The following KLHL5 variants were observed in gnomAD, a reference collection of about 807,000 sequenced individuals.
KLHL5 encodes the protein kelch-like protein 5.
In KLHL5, 48 loss-of-function variants were observed where a neutral mutation model predicts 77.7. The observed-to-expected ratio is 0.62, with a 90% CI of 0.49 to 0.79. The LOEUF (loss-of-function observed/expected upper bound fraction) is 0.79, where lower values mean the gene tolerates loss of function less well. Among genes scored for constraint, KLHL5 ranks in the 30% least tolerant of loss-of-function variants. KLHL5 has a pLI of 0.00. For missense variants in KLHL5, 723 were observed against 859.7 expected, an observed-to-expected ratio of 0.84 and a Z score of 1.99; for synonymous variants, 260 against 297.0, an observed-to-expected ratio of 0.88 and a Z score of 1.28.
intron 8 of KLHL5, among the ~76,000 whole-genome samples, chr4:39,111,211 TA>T (rs1467639812): frequency 6.6e-6 from 1 of 152,218 alleles, no homozygotes; most frequent in Non-Finnish European, 1.5e-5. Flanking sequence ...TTTTTCTCTG[TA>T]AATGTTTATG....
At chr4:39,132,190 A>G in the KLHL5 span, among the ~76,000 whole-genome samples, 1 of 145,236 alleles carries the variant, frequency 6.9e-6, no homozygotes, top group South Asian at 2.1e-4. Context: ...AGGAAAGGAA[A>G]TGCATTGGAA....
intron 10 of KLHL5, among the ~76,000 whole-genome samples, chr4:39,119,255 T>G (rs945730309): frequency 6.6e-6 from 1 of 152,086 alleles, no homozygotes; most frequent in Non-Finnish European, 1.5e-5. Flanking sequence ...TTAAAGCACC[T>G]AAAAATGTGA....
At chr4:39,108,574 T>A (rs1387824951) in intron 8 of KLHL5, among the ~76,000 whole-genome samples, 6 of 152,184 alleles carry the variant, frequency 3.9e-5, no homozygotes, top group Admixed American at 3.3e-4. Context: ...TTGATACTTT[T>A]TGTAAGCACT....
rs1723302324 is a variant in KLHL5 at position 39,122,874 on chromosome 4, A to G, written c.*1808A>G. Among the ~76,000 whole-genome samples, 2 of 152,052 alleles carry G rather than the reference A, an allele frequency of 1.3e-5. No homozygotes were observed. On this transcript the variant is annotated 3_prime_UTR_variant, in exon 11 of 11. Transcript: ENST00000504108. ...TTATGTGAGGAATTATTTTAATAAAAAAAAGAGGGTTTATGCTCTATAGTA... is the reference window on the plus strand; with the variant it reads ...TTATGTGAGGAATTATTTTAATAAAGAAAAGAGGGTTTATGCTCTATAGTA...
chr4:39,060,532 C>T (rs935434136), upstream of KLHL5, among the ~76,000 whole-genome samples: 1 of 151,252 alleles, frequency 6.6e-6, no homozygotes, highest in Admixed American at 6.6e-5. Context: ...CTTAGAGTAA[C>T]TGAAGTGTTT....
chr4:39,088,208 G>A (rs184287326), intron 5 of KLHL5, among the ~76,000 whole-genome samples: 244 of 152,252 alleles, frequency 1.6e-3, no homozygotes, highest in African/African-American at 5.3e-3. Flanking sequence ...TGTAGTTTCA[G>A]ATATTTATGA....
chr4:39,082,000 G>A lies in KLHL5; in HGVS notation c.741G>A (p.Leu247=), dbSNP rs1181831737. Residue 247 remains leucine (L), a synonymous_variant, in exon 4 of 11, where the codon CTG becomes CTA. Coordinates refer to ENST00000504108, the MANE Select transcript of KLHL5 (RefSeq NM_015990.5). This position sits in a 1 kb window ranked among gnomAD's most constrained non-coding sequence, Gnocchi z 4.3. The part of the protein sequence containing the change: ...LELKEDNIEC[L]LSTACLLQLS... ...TAAAAGAAGATAATATTGAGTGCCT[G>A]TTATCTACAGCTTGCCTTCTTCAGC... 6.2e-7 allele frequency: 1 copy of A among 1,609,264 alleles called. No homozygotes were observed. Among genetic ancestry groups the A allele is most frequent in the East Asian group, 2.2e-5 (1 of 44,834 alleles).
intron 10 of KLHL5, among the ~76,000 whole-genome samples, chr4:39,119,535 G>A (rs1054127658): frequency 6.6e-6 from 1 of 152,122 alleles, no homozygotes; most frequent in Non-Finnish European, 1.5e-5. Flanking sequence ...GCAGTGAGCC[G>A]AGATGTGCCA....
chr4:39,129,991 G>A (rs1723733191), downstream of KLHL5, among the ~76,000 whole-genome samples: 4 of 152,160 alleles, frequency 2.6e-5, 1 homozygote, highest in South Asian at 8.3e-4. The surrounding 1 kb of genome is among the most constrained non-coding windows in gnomAD (Gnocchi z 4.2). Context: ...CCCATTGCTT[G>A]AACTACAATC....
At chr4:39,045,095 C>G (rs1212263564) in exon 1 of KLHL5, 2 of 986,352 alleles carry the variant, frequency 2.0e-6, no homozygotes, top group African/African-American at 3.5e-5. Context: ...GAGCCCGACG[C>G]GGTAAGTGCG....
At chr4:39,089,674 G>C (rs1720341901) in intron 5 of KLHL5, among the ~76,000 whole-genome samples, 1 of 152,154 alleles carries the variant, frequency 6.6e-6, no homozygotes, top group Non-Finnish European at 1.5e-5. Context: ...AAAATCCAGT[G>C]GATTAGCCCA....
chr4:39,119,891 C>G (rs568274519), intron 10 of KLHL5, among the ~76,000 whole-genome samples: 2 of 151,240 alleles, frequency 1.3e-5, no homozygotes, highest in South Asian at 4.2e-4. Context: ...GAGGTCAGTT[C>G]GATAATGCTA....
chr4:39,082,911 A>AGTGTTC (rs1719743554), intron 4 of KLHL5, among the ~76,000 whole-genome samples: 1 of 151,210 alleles, frequency 6.6e-6, no homozygotes. Flanking sequence ...GTTTTTGAGG[A>AGTGTTC]ATGTTGCCAC....
chr4:39,139,085 C>A, the KLHL5 span, among the ~76,000 whole-genome samples: 2 of 151,930 alleles, frequency 1.3e-5, no homozygotes, highest in Admixed American at 1.3e-4. Context: ...AGTTGGAGAC[C>A]GGCCTGTCCA....
chr4:39,067,276 G>T (rs1234921222), intron 1 of KLHL5, among the ~76,000 whole-genome samples: 1 of 152,158 alleles, frequency 6.6e-6, no homozygotes, highest in African/African-American at 2.4e-5. Context: ...TTTGTAGAAT[G>T]CCTTACTCAG....
chr4:39,136,402 T>C, the KLHL5 span, among the ~76,000 whole-genome samples: 1 of 152,140 alleles, frequency 6.6e-6, no homozygotes, highest in Admixed American at 6.5e-5. Flanking sequence ...TCAGGTGATC[T>C]GCCTGCCTCA....
At chr4:39,047,082 T>C (rs574066069) in intron 1 of KLHL5, among the ~76,000 whole-genome samples, 2 of 152,338 alleles carry the variant, frequency 1.3e-5, no homozygotes, top group African/African-American at 4.8e-5. Context: ...TCCAAATCTA[T>C]ATGACTATGT....
chr4:39,097,957 C>G (rs1577712068), intron 6 of KLHL5, among the ~76,000 whole-genome samples: 1 of 151,574 alleles, frequency 6.6e-6, no homozygotes, highest in South Asian at 2.1e-4. Context: ...ATGGTGAAAC[C>G]CCATCTCTAT....
chr4:39,062,381 CT>C lies in KLHL5; in HGVS notation c.-271del. ...GGGAAAGGAGAGCCGGGAAAGTGGT[CT>C]AGCTGCTTCAGGATAGGTGGATGAG... On this transcript the variant is annotated 5_prime_UTR_variant, in exon 1 of 11. It introduces an in-frame stop codon into an upstream open reading frame of the 5' UTR. Transcript: ENST00000504108. 6.9e-7 allele frequency: 1 copy of C among 1,447,052 alleles called. No homozygotes were observed. The highest frequency in any genetic ancestry group is 9.0e-7 in the Non-Finnish European group (1 of 1,107,256). 89.6% of individuals were successfully genotyped at this position (1,447,052 alleles called of 1,614,324 possible).
Sources: gnomAD v4.1 joint callset for allele counts (sites outside exome capture counted in the v4.1 genomes callset) on GRCh38, gnomAD v4.1.1 for gene constraint, Gnocchi (gnomAD v3.1) non-coding constraint, MANE v1.5 for transcripts, NCBI Gene and HGNC (gene_info 2026-07-23, HGNC 2026-07-21) for gene names.